PTPRK: variants seen among roughly 807,000 people sequenced by gnomAD.
PTPRK encodes protein tyrosine phosphatase receptor type K, also known as receptor-type tyrosine-protein phosphatase kappa.
PTPRK carries 75 observed loss-of-function variants against 178.0 expected under a neutral mutation model. That is an observed-to-expected ratio of 0.42 (90% CI 0.35 to 0.51). PTPRK has a LOEUF of 0.51. Among genes scored for constraint, PTPRK ranks in the 20% least tolerant of loss-of-function variants. The pLI, the probability that PTPRK is intolerant of heterozygous loss-of-function variation, is 0.02. For missense variants in PTPRK, 1,441 were observed against 1,797.8 expected (o/e 0.80, Z 3.59); for synonymous variants, 637 against 620.6 (o/e 1.03, Z -0.39).
chr6:128,256,446 A>ATT (rs528110195), intron 3 of PTPRK, among the ~76,000 whole-genome samples: 6,111 of 142,504 alleles, frequency 0.043, 444 homozygotes, highest in African/African-American at 0.15. Flanking sequence ...TATGTTCTTC[A>ATT]TTTTTTTTTT....
intron 7 of PTPRK, among the ~76,000 whole-genome samples, chr6:128,169,615 A>G (rs1301885028): frequency 6.6e-6 from 1 of 151,946 alleles, no homozygotes; most frequent in Non-Finnish European, 1.5e-5. Context: ...TCATACCTTG[A>G]TTCTCTCATT....
chr6:128,379,451 A>G (rs1329880707), intron 2 of PTPRK, among the ~76,000 whole-genome samples: 1 of 152,156 alleles, frequency 6.6e-6, no homozygotes, highest in Non-Finnish European at 1.5e-5. Context: ...TTTTCAAAGT[A>G]TGTTCACAAT....
intron 7 of PTPRK, among the ~76,000 whole-genome samples, chr6:128,099,390 A>G (rs1306299531): frequency 6.6e-6 from 1 of 151,936 alleles, no homozygotes; most frequent in African/African-American, 2.4e-5. Flanking sequence ...AAGTGAGACT[A>G]TCTCGTGACA....
intron 2 of PTPRK, among the ~76,000 whole-genome samples, chr6:128,329,047 G>A (rs764554775): frequency 1.3e-5 from 2 of 152,074 alleles, no homozygotes; most frequent in Non-Finnish European, 2.9e-5. Flanking sequence ...TTATTGATAA[G>A]CAATTTTGAC....
intron 6 of PTPRK, among the ~76,000 whole-genome samples, chr6:128,203,853 G>A (rs1806418252): frequency 6.6e-6 from 1 of 152,134 alleles, no homozygotes; most frequent in Non-Finnish European, 1.5e-5. Context: ...ACTGCCTAAA[G>A]TAATTTATAG....
intron 6 of PTPRK, among the ~76,000 whole-genome samples, chr6:128,197,146 G>A (rs772836093): frequency 9.3e-5 from 14 of 150,794 alleles, no homozygotes; most frequent in East Asian, 3.9e-4. Context: ...CTGCTCCAGC[G>A]CCATACAATT....
intron 1 of PTPRK, among the ~76,000 whole-genome samples, chr6:128,422,435 T>C (rs1000992623): frequency 3.3e-5 from 5 of 152,172 alleles, no homozygotes; most frequent in African/African-American, 1.2e-4. Context: ...GTCACATTTC[T>C]AGTTGTTCCA....
chr6:128,334,817 G>A (rs1288616714), intron 2 of PTPRK, among the ~76,000 whole-genome samples: 1 of 152,148 alleles, frequency 6.6e-6, no homozygotes, highest in East Asian at 1.9e-4. Flanking sequence ...AAGGCCAAGC[G>A]CGGTGGCTCA....
intron 7 of PTPRK, among the ~76,000 whole-genome samples, chr6:128,183,957 G>A (rs567557298): frequency 6.6e-6 from 1 of 152,160 alleles, no homozygotes; most frequent in Admixed American, 6.6e-5. Context: ...AGGACATTCT[G>A]AAGAAAATAG....
intron 5 of PTPRK, among the ~76,000 whole-genome samples, chr6:128,229,796 G>C (rs1393231119): frequency 1.3e-5 from 2 of 152,126 alleles, no homozygotes; most frequent in Non-Finnish European, 2.9e-5. Flanking sequence ...AAGAAAAAAA[G>C]AGTAAGTCAT....
Position 128,247,555 on chromosome 6 carries a change from G to T in PTPRK, c.496-4953C>A, listed in dbSNP as rs545713917. On this transcript the variant is annotated intron_variant, in intron 3 of 29. Coordinates refer to ENST00000368226, the MANE Select transcript of PTPRK (RefSeq NM_002844.4). ...GCTGGTCTCGAACTCCTAGCCTCAAGTGATCTGCCTGCCTCAGCCTCCCAA... is the reference window on the plus strand; with the variant it reads ...GCTGGTCTCGAACTCCTAGCCTCAATTGATCTGCCTGCCTCAGCCTCCCAA... 2.0e-5 allele frequency among the ~76,000 whole-genome samples: 3 copies of T among 152,192 alleles called. No individual in the cohort carries two copies. In the East Asian group the frequency reaches 5.8e-4, roughly 29 times the overall value.
chr6:128,317,403 C>T (rs1828151339), intron 3 of PTPRK, among the ~76,000 whole-genome samples: 1 of 151,722 alleles, frequency 6.6e-6, no homozygotes, highest in Non-Finnish European at 1.5e-5. Flanking sequence ...GATCCACTGT[C>T]TTATAGCCCT....
chr6:127,971,098 A>T (rs1773848516), intron 29 of PTPRK, among the ~76,000 whole-genome samples: 1 of 152,194 alleles, frequency 6.6e-6, no homozygotes, highest in Non-Finnish European at 1.5e-5. Context: ...GAGCCTACTT[A>T]TACCTGAAAA....
In PTPRK at chr6:128,006,156, T is replaced by G. The variant is rs927384102; in HGVS notation, c.2334-912A>C. On this transcript the variant is annotated intron_variant, in intron 14 of 29. Coordinates refer to ENST00000368226, the MANE Select transcript of PTPRK (RefSeq NM_002844.4). ...AAGCAGAAAAATGTGCGTTAAAAAA[T>G]AAAATAAAATAAAATAAAATTCATG... 2.7e-5 allele frequency: 19 copies of G among 706,466 alleles called. No homozygotes were observed. The African/African-American group carries it at 2.8e-4, about 11-fold the overall frequency. The allele number at this position is 706,466 out of a possible 1,614,324, so 43.8% of individuals were successfully genotyped here. A position where few individuals can be genotyped will look rare whatever the true frequency, so the allele number is the denominator to read the frequency against.
intron 5 of PTPRK, among the ~76,000 whole-genome samples, chr6:128,234,634 C>G (rs146782085): frequency 1.2e-3 from 176 of 152,324 alleles, no homozygotes; most frequent in Middle Eastern, 6.8e-3. Flanking sequence ...GAGATCCATT[C>G]ACGCTGTTGC....
chr6:127,990,888 A>G lies in PTPRK; in HGVS notation c.2980-3T>C, dbSNP rs12055782. 444,313 of 1,547,592 alleles carry G rather than the reference A, an allele frequency of 0.29. 67,082 individuals carry two copies. Among genetic ancestry groups the G allele is most frequent in the East Asian group, 0.45 (20,199 of 44,436 alleles). On this transcript the variant is annotated splice_region_variant and splice_polypyrimidine_tract_variant and intron_variant, in intron 20 of 29. Coordinates refer to ENST00000368226, the MANE Select transcript of PTPRK (RefSeq NM_002844.4). Reference sequence around the variant, plus strand: ...GGCCAATATTTATAGCATTTAACCTAAGTGACAAAAAGAATATATAGACAG... The same window carrying G: ...GGCCAATATTTATAGCATTTAACCTGAGTGACAAAAAGAATATATAGACAG...
chr6:128,140,674 A>G (rs1795651470), intron 7 of PTPRK, among the ~76,000 whole-genome samples: 1 of 152,032 alleles, frequency 6.6e-6, no homozygotes. Flanking sequence ...TCCATTTTAC[A>G]GATAAACATT....
At chr6:128,511,931 T>C (rs1030775986) in intron 1 of PTPRK, among the ~76,000 whole-genome samples, 1 of 152,186 alleles carries the variant, frequency 6.6e-6, no homozygotes, top group African/African-American at 2.4e-5. Context: ...TCATGGGCTC[T>C]CAGTAAATTA....
chr6:128,100,981 G>C (rs1437320344), intron 7 of PTPRK, among the ~76,000 whole-genome samples: 3 of 151,938 alleles, frequency 2.0e-5, no homozygotes, highest in Non-Finnish European at 4.4e-5. Flanking sequence ...CCATTCCACA[G>C]GAAATCACAA....
Sources: gnomAD v4.1 joint callset for allele counts (sites outside exome capture counted in the v4.1 genomes callset) on GRCh38, gnomAD v4.1.1 for gene constraint, MANE v1.5 for transcripts, NCBI Gene and HGNC (gene_info 2026-07-23, HGNC 2026-07-21) for gene names.